Variants in EIF2B3 observed in about 807,000 individuals in gnomAD.
EIF2B3 encodes the protein translation initiation factor eIF2B subunit gamma.
In EIF2B3, 20 loss-of-function variants were observed where a neutral mutation model predicts 54.1. The observed-to-expected ratio is 0.37, with a 90% confidence interval of 0.26 to 0.54. The LOEUF is 0.54. EIF2B3 is among the 20% of genes least tolerant of loss of function. The pLI, the probability that EIF2B3 is intolerant of heterozygous loss-of-function variation, is 0.86. For missense variants in EIF2B3, 448 were observed against 547.8 expected (o/e 0.82, Z 1.82); for synonymous variants, 153 against 188.1 (o/e 0.81, Z 1.52).
intron 4 of EIF2B3, among the ~76,000 whole-genome samples, chr1:44,930,625 A>AGGCT (rs970557048): frequency 1.1e-4 from 17 of 152,122 alleles, no homozygotes; most frequent in African/African-American, 3.9e-4. Context: ...GTCAAGGCTG[A>AGGCT]GGCTCTCCCT....
intron 4 of EIF2B3, among the ~76,000 whole-genome samples, chr1:44,931,592 T>A (rs1445626692): frequency 6.6e-6 from 1 of 152,184 alleles, no homozygotes; most frequent in Non-Finnish European, 1.5e-5. Flanking sequence ...CCACTAGAGT[T>A]TACGAACATT....
At chr1:44,983,110 G>T (rs868175844) in intron 1 of EIF2B3, among the ~76,000 whole-genome samples, 1 of 151,544 alleles carries the variant, frequency 6.6e-6, no homozygotes, top group African/African-American at 2.4e-5. Context: ...TAGAGATGGG[G>T]TTTCACTATG....
At chr1:44,914,717 C>A (rs1643586902) in intron 5 of EIF2B3, among the ~76,000 whole-genome samples, 1 of 152,048 alleles carries the variant, frequency 6.6e-6, no homozygotes, top group Non-Finnish European at 1.5e-5. Flanking sequence ...GAGACGGAGT[C>A]TCGCTCTGTC....
chr1:44,879,078 C>G (rs562701760), intron 8 of EIF2B3, among the ~76,000 whole-genome samples: 1 of 152,248 alleles, frequency 6.6e-6, no homozygotes, highest in East Asian at 1.9e-4. Context: ...TTATTCTCAT[C>G]TAAACCCTTT....
At chr1:44,957,874 G>A (rs1172173061) in intron 3 of EIF2B3, among the ~76,000 whole-genome samples, 3 of 152,178 alleles carry the variant, frequency 2.0e-5, no homozygotes, top group East Asian at 3.8e-4. Flanking sequence ...TTGTTGCTAG[G>A]AATGCTAACT....
rs543739421 is a variant in EIF2B3 at position 44,923,472 on chromosome 1, C to T, written c.566+3156G>A. ...TTTTAATTCCTTTGTATATGATATC[C>T]TCTCTCCTCTCCGGGAGCTTGTAAG... On this transcript the variant is annotated intron_variant, in intron 5 of 11. Coordinates refer to ENST00000360403, the MANE Select transcript of EIF2B3 (RefSeq NM_020365.5). Among the ~76,000 whole-genome samples the T allele has an allele frequency of 5.3e-5, 8 of 152,194 alleles. 1 individual carries two copies. The highest frequency in any genetic ancestry group is 6.8e-3 in the Middle Eastern group (2 of 294).
chr1:44,854,833 C>A (rs958106037), intron 11 of EIF2B3, among the ~76,000 whole-genome samples: 4 of 151,804 alleles, frequency 2.6e-5, no homozygotes, highest in African/African-American at 9.7e-5. Flanking sequence ...AGGGATCCAC[C>A]CGCCTCAGCC....
chr1:44,918,072 C>CTTT (rs3074632), intron 5 of EIF2B3, among the ~76,000 whole-genome samples: 41 of 88,624 alleles, frequency 4.6e-4, no homozygotes, highest in East Asian at 1.1e-3. Flanking sequence ...TGTGCCCAGC[C>CTTT]TTTTTTTTTT....
At chr1:44,918,195 T>A (rs1643667249) in intron 5 of EIF2B3, among the ~76,000 whole-genome samples, 1 of 150,880 alleles carries the variant, frequency 6.6e-6, no homozygotes. Flanking sequence ...GCGATTCTCC[T>A]GCCTCAGCCT....
chr1:44,851,333 G>C (rs1444817120), intron 11 of EIF2B3, among the ~76,000 whole-genome samples: 6 of 152,048 alleles, frequency 3.9e-5, no homozygotes, highest in Non-Finnish European at 8.8e-5. Flanking sequence ...CCAAAGTGCT[G>C]GGATTACAGG....
chr1:44,965,494 T>G (rs1005737781), intron 3 of EIF2B3, among the ~76,000 whole-genome samples: 5 of 151,748 alleles, frequency 3.3e-5, no homozygotes, highest in Admixed American at 1.3e-4. Context: ...GTTAGAGTGA[T>G]TATAAAGACT....
Position 44,917,509 on chromosome 1 carries a change from G to GA in EIF2B3, c.566+9118dup, listed in dbSNP as rs981120471. ...AACTCCATCTCAAAAAAAAAAAAAA[G>GA]AAAAAAAAATCTTCAGATTTTACTT... On this transcript the variant is annotated intron_variant, in intron 5 of 11. Transcript: ENST00000360403. Among the ~76,000 whole-genome samples, 741 of 143,784 alleles carry GA rather than the reference G, an allele frequency of 5.2e-3. 10 individuals are homozygous for GA. The highest frequency in any genetic ancestry group is 0.018 in the African/African-American group (700 of 39,020). The allele number at this position is 143,784 out of a possible 152,430, so 94.3% of individuals were successfully genotyped here.
chr1:44,908,797 G>A (rs1643462272), intron 5 of EIF2B3, among the ~76,000 whole-genome samples: 1 of 152,186 alleles, frequency 6.6e-6, no homozygotes, highest in Non-Finnish European at 1.5e-5. Flanking sequence ...GGGGGTAAAA[G>A]GCATAAATGA....
At chr1:44,865,814 C>T (rs764028765) in intron 10 of EIF2B3, among the ~76,000 whole-genome samples, 64 of 152,144 alleles carry the variant, frequency 4.2e-4, no homozygotes, top group Middle Eastern at 3.4e-3. Context: ...GTGATCTACC[C>T]GCCTCAGCTT....
chr1:44,931,131 C>T (rs541863023), intron 4 of EIF2B3, among the ~76,000 whole-genome samples: 1 of 152,296 alleles, frequency 6.6e-6, no homozygotes, highest in African/African-American at 2.4e-5. Flanking sequence ...TGACTTCTGT[C>T]TTTCTAGAAG....
At chr1:44,851,332 T>C (rs1012351894) in intron 11 of EIF2B3, among the ~76,000 whole-genome samples, 1 of 152,122 alleles carries the variant, frequency 6.6e-6, no homozygotes, top group African/African-American at 2.4e-5. Flanking sequence ...CCCAAAGTGC[T>C]GGGATTACAG....
chr1:44,950,043 GA>G (rs1181408294), intron 3 of EIF2B3, among the ~76,000 whole-genome samples: 1 of 152,142 alleles, frequency 6.6e-6, no homozygotes. Flanking sequence ...AAAAACAAGA[GA>G]TTTTTTTTGT....
intron 6 of EIF2B3, 114 bp downstream of exon 6, chr1:44,897,241 T>C: frequency 2.7e-6 from 2 of 752,736 alleles, no homozygotes. Context: ...CTAACTGTGC[T>C]ATTGTGCTAA....
At chr1:44,894,659 A>C (rs1324989404) in intron 6 of EIF2B3, among the ~76,000 whole-genome samples, 3 of 152,202 alleles carry the variant, frequency 2.0e-5, no homozygotes, top group East Asian at 3.8e-4. Context: ...AAAATATAAC[A>C]AAGGATTGCT....
Sources: allele counts gnomAD v4.1 joint callset (sites outside exome capture counted in the v4.1 genomes callset), GRCh38; gene constraint gnomAD v4.1.1; transcripts MANE v1.5; gene names NCBI Gene and HGNC (gene_info 2026-07-23, HGNC 2026-07-21).